Variants in SH2D4B observed in about 807,000 individuals in gnomAD.
SH2D4B encodes SH2 domain-containing protein 4B.
In SH2D4B, 45 loss-of-function variants were observed where a neutral mutation model predicts 61.5. The observed-to-expected ratio is 0.73, with a 90% CI of 0.58 to 0.94. SH2D4B has a LOEUF of 0.94. Ranked by LOEUF, SH2D4B falls within the 40% of genes least tolerant of loss-of-function variation. The probability of loss-of-function intolerance (pLI) is 0.00; values close to 1 mark genes in which losing one functional copy is unlikely to be tolerated. For missense variants in SH2D4B, 572 were observed against 574.2 expected (o/e 1.00, Z 0.04); for synonymous variants, 224 against 220.4 (o/e 1.02, Z -0.14).
chr10:80,544,333 C>T (rs1428668713), intron 1 of SH2D4B, among the ~76,000 whole-genome samples: 1 of 152,186 alleles, frequency 6.6e-6, no homozygotes, highest in Admixed American at 6.5e-5. Flanking sequence ...AAACTCCGAA[C>T]ACATCTGAAC....
chr10:80,575,082 A>T (rs957989388), intron 3 of SH2D4B, among the ~76,000 whole-genome samples: 17 of 151,448 alleles, frequency 1.1e-4, no homozygotes, highest in Admixed American at 2.0e-4. Context: ...TTATTTTTTT[A>T]AAATTTCAAA....
chr10:80,607,999 C>T (rs554286179), intron 5 of SH2D4B, among the ~76,000 whole-genome samples: 3 of 152,258 alleles, frequency 2.0e-5, no homozygotes, highest in Non-Finnish European at 2.9e-5. Flanking sequence ...TGGGTTCAAG[C>T]GATTCTCCCG....
intron 6 of SH2D4B, among the ~76,000 whole-genome samples, chr10:80,629,898 T>C (rs548136478): frequency 5.7e-4 from 87 of 152,208 alleles, no homozygotes; most frequent in Non-Finnish European, 1.5e-4. Context: ...TTTGTGTCCA[T>C]GCTCTTCATC....
At chr10:80,590,446 G>T (rs192161065) in intron 4 of SH2D4B, among the ~76,000 whole-genome samples, 57 of 152,266 alleles carry the variant, frequency 3.7e-4, no homozygotes, top group Non-Finnish European at 6.8e-4. Context: ...AATCAGAAAG[G>T]CCTCAGATGT....
intron 7 of SH2D4B, among the ~76,000 whole-genome samples, chr10:80,635,294 G>A (rs1313530208): frequency 6.6e-6 from 1 of 152,164 alleles, no homozygotes; most frequent in Non-Finnish European, 1.5e-5. Context: ...TAGTAACTGG[G>A]AGAAAGCCAG....
intron 6 of SH2D4B, among the ~76,000 whole-genome samples, chr10:80,629,777 A>AT (rs1842809769): frequency 6.6e-6 from 1 of 152,234 alleles, no homozygotes; most frequent in Non-Finnish European, 1.5e-5. Context: ...GCCGTAAGAC[A>AT]TAGCTATTAA....
In SH2D4B at chr10:80,625,573, C is replaced by CTT. The variant is rs564697811; in HGVS notation, c.989-8704_989-8703dup. Among the ~76,000 whole-genome samples, 72 of 136,632 alleles carry CTT rather than the reference C, an allele frequency of 5.3e-4. 2 individuals are homozygous for CTT. Among genetic ancestry groups the CTT allele is most frequent in the African/African-American group, 1.3e-3 (45 of 34,334 alleles). The allele number at this position is 136,632 out of a possible 152,430, so 89.6% of individuals were successfully genotyped here. A position where few individuals can be genotyped will look rare whatever the true frequency, so the allele number is the denominator to read the frequency against. On this transcript the variant is annotated intron_variant, in intron 6 of 7. Coordinates refer to ENST00000646907, the MANE Select transcript of SH2D4B (RefSeq NM_001388272.1). ...TTGGTTTTGAATTTTTTTTCTTTTT[C>CTT]TTTTTTTTTCTTTTTTTGAGACAGA...
intron 6 of SH2D4B, among the ~76,000 whole-genome samples, chr10:80,626,967 C>G (rs1034419753): frequency 6.6e-6 from 1 of 152,206 alleles, no homozygotes; most frequent in African/African-American, 2.4e-5. Context: ...TCCTGACATT[C>G]AGTGTCCTCA....
intron 1 of SH2D4B, among the ~76,000 whole-genome samples, chr10:80,566,118 A>AAT (rs1841965303): frequency 6.9e-6 from 1 of 144,634 alleles, no homozygotes; most frequent in African/African-American, 2.6e-5. Flanking sequence ...AAAAAAAAAA[A>AAT]GAGTGAAGAG....
chr10:80,573,965 G>C (rs1189236224), intron 3 of SH2D4B, among the ~76,000 whole-genome samples: 1 of 152,094 alleles, frequency 6.6e-6, no homozygotes, highest in East Asian at 1.9e-4. Flanking sequence ...TTCTTGTTCA[G>C]AAATGTGATA....
chr10:80,589,717 G>A (rs1028260413), intron 4 of SH2D4B, among the ~76,000 whole-genome samples: 25 of 152,146 alleles, frequency 1.6e-4, no homozygotes, highest in African/African-American at 6.0e-4. Flanking sequence ...TTGTCCTGGT[G>A]GGTCTGCAGA....
At chr10:80,600,215 A>C (rs1156818871) in intron 4 of SH2D4B, among the ~76,000 whole-genome samples, 1 of 152,168 alleles carries the variant, frequency 6.6e-6, no homozygotes, top group Non-Finnish European at 1.5e-5. Flanking sequence ...TTTCACATAC[A>C]ATTCAAATCT....
At chr10:80,620,164 G>T (rs1589360177) in intron 6 of SH2D4B, among the ~76,000 whole-genome samples, 1 of 152,182 alleles carries the variant, frequency 6.6e-6, no homozygotes, top group Admixed American at 6.5e-5. Flanking sequence ...ATCTCATGTT[G>T]AATTGTAATT....
At chr10:80,568,498 C>T (rs536217309) in intron 1 of SH2D4B, among the ~76,000 whole-genome samples, 5 of 152,100 alleles carry the variant, frequency 3.3e-5, no homozygotes, top group South Asian at 2.1e-4. Flanking sequence ...ACAGGAGCTG[C>T]GGGGCTTGGT....
intron 6 of SH2D4B, among the ~76,000 whole-genome samples, chr10:80,621,128 G>A (rs1842714487): frequency 6.6e-6 from 1 of 152,188 alleles, no homozygotes; most frequent in Admixed American, 6.5e-5. Context: ...CCATGTAAGT[G>A]GTTCTCAACA....
rs1842287234 is a variant in SH2D4B at position 80,588,634 on chromosome 10, A to T, written c.500A>T (p.Lys167Ile). The change falls in exon 4 of 8, where the codon AAA (lysine) becomes ATA (isoleucine). Residue 167 changes from lysine (K) to isoleucine (I), a missense_variant. Lys to Ile is a moderately radical substitution (Grantham distance 102, BLOSUM62 -3). Transcript: ENST00000646907. Reference protein sequence around the residue: ...EERIHEEFKRKEEEERKRGEE... With the variant: ...EERIHEEFKRIEEEERKRGEE... The stretch of plus-strand genomic sequence containing the variant: ...TCTGTTCCCATGACATTTTAGAGGA[A>T]AGAGGAAGAGGAGAGGAAGCGAGGA... 1 of 1,613,644 alleles carries T rather than the reference A, an allele frequency of 6.2e-7. No homozygotes were observed. Among genetic ancestry groups the T allele is most frequent in the African/African-American group, 1.3e-5 (1 of 74,882 alleles).
intron 5 of SH2D4B, among the ~76,000 whole-genome samples, chr10:80,606,979 T>G (rs560833301): frequency 6.6e-6 from 1 of 152,304 alleles, no homozygotes; most frequent in Admixed American, 6.5e-5. Context: ...GTGACTCCTT[T>G]GAAGGGTTTA....
chr10:80,575,733 C>T (rs1346029232), intron 3 of SH2D4B, among the ~76,000 whole-genome samples: 4 of 152,162 alleles, frequency 2.6e-5, no homozygotes, highest in African/African-American at 7.2e-5. Context: ...GGAGATTGAG[C>T]CACTGCACTC....
intron 6 of SH2D4B, among the ~76,000 whole-genome samples, chr10:80,630,214 G>A (rs1219685752): frequency 6.6e-6 from 1 of 152,170 alleles, no homozygotes. Flanking sequence ...CCTGCTAGAG[G>A]AATCTTGCTT....
Sources: allele counts gnomAD v4.1 joint callset (sites outside exome capture counted in the v4.1 genomes callset), GRCh38; gene constraint gnomAD v4.1.1; transcripts MANE v1.5; gene names NCBI Gene and HGNC (gene_info 2026-07-23, HGNC 2026-07-21).